Variants in NRCAM observed in about 807,000 individuals in gnomAD.
The protein encoded by NRCAM is neuronal cell adhesion molecule, also known as NgCAM-related cell adhesion molecule.
A neutral mutation model predicts 156.5 loss-of-function variants in NRCAM; 83 were observed. That is an observed-to-expected ratio of 0.53 (90% CI 0.44 to 0.64). The LOEUF is 0.64. Ranked by LOEUF, NRCAM falls within the 30% of genes least tolerant of loss-of-function variation. The pLI, the probability that NRCAM is intolerant of heterozygous loss-of-function variation, is 0.00. For missense variants in NRCAM, 1,417 were observed against 1,597.3 expected (o/e 0.89, Z 1.92); for synonymous variants, 538 against 563.9 (o/e 0.95, Z 0.65).
At chr7:108,232,557 G>A (rs767508040) in intron 6 of NRCAM, 35 bp from the exon 7 acceptor site, 10 of 1,468,752 alleles carry the variant, frequency 6.8e-6, no homozygotes, top group African/African-American at 1.4e-5. Flanking sequence ...TGTATTAATG[G>A]TCCAGAAAAA....
At chr7:108,176,793 C>T (rs559894729) in intron 26 of NRCAM, 187 bp from the exon 27 acceptor site, 69 of 533,970 alleles carry the variant, frequency 1.3e-4, no homozygotes, top group East Asian at 9.2e-4. Context: ...TCTATCATAT[C>T]GTATCATATC....
chr7:108,406,004 C>G (rs1439517048), intron 1 of NRCAM, among the ~76,000 whole-genome samples: 1 of 151,134 alleles, frequency 6.6e-6, no homozygotes, highest in East Asian at 2.0e-4. Context: ...GTCTAAGAAG[C>G]CAGTCCCCAA....
In NRCAM at chr7:108,176,543, C is replaced by T. The variant is rs551578715; in HGVS notation, c.3038G>A (p.Trp1013Ter). The part of the protein sequence containing the change: ...DLKIPANKTR[W>*]TLKNLNFSTR... ...GCTGAAATTTAAATTTTTTAAAGTC[C>T]ACCGTGTCTTGTTGGCAGGAATTTT... is the stretch of plus-strand genomic sequence containing the variant. Residue 1013 changes from tryptophan (W) to a stop codon, truncating the protein, a stop_gained, in exon 27 of 33, where the codon TGG becomes TAG. Transcript: ENST00000379028. LOFTEE classifies it high-confidence loss of function. 15 of 1,613,476 alleles carry T rather than the reference C, an allele frequency of 9.3e-6. No individual in the cohort carries two copies. The highest frequency in any genetic ancestry group is 1.3e-5 in the African/African-American group (1 of 74,858).
intron 3 of NRCAM, among the ~76,000 whole-genome samples, chr7:108,295,876 C>T (rs1251247233): frequency 6.6e-6 from 1 of 152,194 alleles, no homozygotes; most frequent in Non-Finnish European, 1.5e-5. Flanking sequence ...CTCTGCAGGG[C>T]ACAGAGGAGT....
At chr7:108,197,622 T>A (rs533221612) in intron 14 of NRCAM, among the ~76,000 whole-genome samples, 2 of 152,324 alleles carry the variant, frequency 1.3e-5, no homozygotes, top group African/African-American at 4.8e-5. Context: ...CTTGTCAGTG[T>A]CTTACAACGA....
intron 3 of NRCAM, among the ~76,000 whole-genome samples, chr7:108,253,900 T>C (rs1280749942): frequency 6.6e-6 from 1 of 152,138 alleles, no homozygotes; most frequent in Non-Finnish European, 1.5e-5. Flanking sequence ...TTATTTACAA[T>C]GACAACAATA....
chr7:108,431,254 T>C (rs927742547), intron 1 of NRCAM, among the ~76,000 whole-genome samples: 30 of 152,162 alleles, frequency 2.0e-4, no homozygotes, highest in African/African-American at 7.2e-4. Context: ...CTCCTGTCTC[T>C]TTGTCCAGTG....
At chr7:108,289,238 C>G (rs1428602814) in intron 3 of NRCAM, among the ~76,000 whole-genome samples, 2 of 152,046 alleles carry the variant, frequency 1.3e-5, no homozygotes, top group Non-Finnish European at 2.9e-5. Context: ...CATTTAGGTA[C>G]TTGAAGCATG....
intron 24 of NRCAM, among the ~76,000 whole-genome samples, chr7:108,181,191 G>GC (rs754824250): frequency 6.2e-5 from 3 of 48,362 alleles, no homozygotes; most frequent in Admixed American, 5.5e-4. Flanking sequence ...GGCAATGCTA[G>GC]GGGGAAAAAA....
chr7:108,237,894 G>A, intron 4 of NRCAM, 125 bp from the exon 5 acceptor site: 1 of 633,946 alleles, frequency 1.6e-6, no homozygotes, highest in South Asian at 3.7e-5. Context: ...TTTGATCTAA[G>A]AAAACCTGTA....
chr7:108,254,413 T>C (rs1393127312), intron 3 of NRCAM, among the ~76,000 whole-genome samples: 1 of 152,218 alleles, frequency 6.6e-6, no homozygotes, highest in Non-Finnish European at 1.5e-5. Flanking sequence ...AATGCGATAC[T>C]ACCACACACC....
chr7:108,379,448 A>C (rs984528159), intron 2 of NRCAM, among the ~76,000 whole-genome samples: 1 of 152,164 alleles, frequency 6.6e-6, no homozygotes, highest in African/African-American at 2.4e-5. Context: ...CAGAAAGTAG[A>C]ATGGCGACAG....
intron 3 of NRCAM, among the ~76,000 whole-genome samples, chr7:108,311,499 T>TG (rs1164786355): frequency 6.6e-6 from 1 of 152,192 alleles, no homozygotes; most frequent in African/African-American, 2.4e-5. Flanking sequence ...ATTTTGGTGT[T>TG]GGTCATAATT....
intron 20 of NRCAM, among the ~76,000 whole-genome samples, chr7:108,185,454 A>T (rs2066091648): frequency 6.6e-6 from 1 of 152,200 alleles, no homozygotes; most frequent in Non-Finnish European, 1.5e-5. Flanking sequence ...AATGACTGTC[A>T]GCCAAGTGCG....
At chr7:108,210,243 G>GTT (rs201295525) in intron 11 of NRCAM, among the ~76,000 whole-genome samples, 34,858 of 149,460 alleles carry the variant, frequency 0.23, 4,289 homozygotes, top group Non-Finnish European at 0.27. Flanking sequence ...GTCACCCAAT[G>GTT]TTTTGTTTTG....
At chr7:108,158,656 C>A (rs867531320) in intron 32 of NRCAM, among the ~76,000 whole-genome samples, 30 of 151,832 alleles carry the variant, frequency 2.0e-4, no homozygotes, top group African/African-American at 6.8e-4. Context: ...TTTATATAAG[C>A]AAGGGGCTTC....
At chr7:108,185,104 T>C (rs948860894) in intron 20 of NRCAM, among the ~76,000 whole-genome samples, 5 of 152,132 alleles carry the variant, frequency 3.3e-5, no homozygotes, top group Non-Finnish European at 7.4e-5. Context: ...ACTAAACATA[T>C]TGGCAATAAT....
intron 3 of NRCAM, among the ~76,000 whole-genome samples, chr7:108,279,004 T>C (rs73199600): frequency 0.043 from 6,507 of 152,284 alleles, 184 homozygotes; most frequent in South Asian, 0.11. Context: ...CAGTGTCTTG[T>C]CAAGGCCCAT....
chr7:108,418,083 AC>A (rs1804013407), intron 1 of NRCAM, among the ~76,000 whole-genome samples: 1 of 152,118 alleles, frequency 6.6e-6, no homozygotes, highest in African/African-American at 2.4e-5. Context: ...CAGAAGCAAC[AC>A]CTGTGACACG....
Sources: allele counts gnomAD v4.1 joint callset (sites outside exome capture counted in the v4.1 genomes callset), GRCh38; gene constraint gnomAD v4.1.1; transcripts MANE v1.5; gene names NCBI Gene and HGNC (gene_info 2026-07-23, HGNC 2026-07-21).